The following ITPA variants were observed in gnomAD, a reference collection of about 807,000 sequenced individuals.
The protein encoded by ITPA is inosine triphosphate pyrophosphatase.
ITPA carries 29 observed loss-of-function variants against 29.6 expected under a neutral mutation model. That is an observed-to-expected ratio of 0.98 (90% CI 0.73 to 1.34). The LOEUF is 1.34. Ranked by LOEUF, ITPA falls within the 40% of genes most tolerant of loss-of-function variation. ITPA has a pLI of 0.00. For missense variants in ITPA, 241 were observed against 251.5 expected, an observed-to-expected ratio of 0.96 and a Z score of 0.28; for synonymous variants, 103 against 99.3, an observed-to-expected ratio of 1.04 and a Z score of -0.22.
At chr20:3,213,141 A>G in intron 1 of ITPA, 28 bp from the exon 2 acceptor site, 3 of 1,605,804 alleles carry the variant, frequency 1.9e-6, no homozygotes, top group Non-Finnish European at 2.6e-6. Flanking sequence ...CTAGATGGTG[A>G]TAAGTGTTCT....
At chr20:3,227,130 T>C (rs1600549200), downstream of ITPA, among the ~76,000 whole-genome samples, 6 of 152,340 alleles carry the variant, frequency 3.9e-5, no homozygotes, top group Middle Eastern at 0.017. Context: ...CCACTGCTCT[T>C]CACCAGCCAC....
chr20:3,216,593 A>G (rs1286380080), intron 5 of ITPA, among the ~76,000 whole-genome samples: 1 of 151,580 alleles, frequency 6.6e-6, no homozygotes, highest in Non-Finnish European at 1.5e-5. Flanking sequence ...AGCTGGGATT[A>G]CAGGCACCTG....
chr20:3,212,608 A>T (rs1259364736), intron 1 of ITPA, among the ~76,000 whole-genome samples: 1 of 152,182 alleles, frequency 6.6e-6, no homozygotes, highest in Non-Finnish European at 1.5e-5. Flanking sequence ...GGCGTGAGCC[A>T]CAGGACCCAG....
chr20:3,217,912 T>A (rs2067345944), intron 5 of ITPA, among the ~76,000 whole-genome samples: 1 of 139,284 alleles, frequency 7.2e-6, no homozygotes, highest in Non-Finnish European at 1.6e-5. Context: ...GTGGGTTTTT[T>A]TTTGTTTTTG....
rs934575079 is a variant in ITPA at position 3,214,618 on chromosome 20, C to T, written c.263+560C>T. Among the ~76,000 whole-genome samples the T allele has an allele frequency of 5.3e-5, 8 of 151,880 alleles. No homozygotes were observed. The East Asian group carries it at 1.2e-3, about 22-fold the overall frequency. On this transcript the variant is annotated intron_variant, in intron 4 of 7. Coordinates refer to ENST00000380113, the MANE Select transcript of ITPA (RefSeq NM_033453.4). Reference sequence around the variant, plus strand: ...TTTTGAGACAAGAGTCTCGCTCTGTCGCCCAGGCTGGAGTGCAGTGGCGCG... The same window carrying T: ...TTTTGAGACAAGAGTCTCGCTCTGTTGCCCAGGCTGGAGTGCAGTGGCGCG...
chr20:3,227,231 C>T (rs1247480200), downstream of ITPA, among the ~76,000 whole-genome samples: 2 of 152,316 alleles, frequency 1.3e-5, no homozygotes, highest in East Asian at 1.9e-4. Flanking sequence ...GGAGAAATGG[C>T]CATGCGAAGG....
At chr20:3,225,602 G>GC (rs927412096), downstream of ITPA, among the ~76,000 whole-genome samples, 2 of 152,212 alleles carry the variant, frequency 1.3e-5, no homozygotes, top group African/African-American at 4.8e-5. Context: ...CTCGCCCCGT[G>GC]CATCTCTTCA....
chr20:3,213,087 A>G (rs1344468349), intron 1 of ITPA, 82 bp from the exon 2 acceptor site: 2 of 1,382,978 alleles, frequency 1.4e-6, no homozygotes, highest in Admixed American at 3.3e-5. Flanking sequence ...AGAGTTATCG[A>G]TGAGAAAGGC....
downstream of ITPA, among the ~76,000 whole-genome samples, chr20:3,227,154 C>T (rs79728257): frequency 0.023 from 3,510 of 152,350 alleles, 128 homozygotes; most frequent in African/African-American, 0.08. Context: ...GCCTCAGTGG[C>T]CCCAAGCCCT....
At chr20:3,218,695 G>T (rs2067378683) in intron 6 of ITPA, 63 bp downstream of exon 6, 3 of 1,293,530 alleles carry the variant, frequency 2.3e-6, no homozygotes, top group Non-Finnish European at 3.3e-6. Flanking sequence ...GACCCGAGCC[G>T]ACCGCCCCGA....
upstream of ITPA, chr20:3,204,537 C>T: frequency 1.3e-6 from 2 of 1,559,554 alleles, no homozygotes; most frequent in Non-Finnish European, 1.7e-6. Flanking sequence ...CATCTCCTAC[C>T]TGATGCCGCC....
At chr20:3,213,081 T>C in intron 1 of ITPA, 88 bp from the exon 2 acceptor site, 1 of 1,335,354 alleles carries the variant, frequency 7.5e-7, no homozygotes, top group Non-Finnish European at 1.1e-6. Flanking sequence ...GGCAGCAGAG[T>C]TATCGATGAG....
intron 6 of ITPA, 57 bp downstream of exon 6, chr20:3,218,689 C>G: frequency 7.5e-7 from 1 of 1,333,552 alleles, no homozygotes. Flanking sequence ...TGCCGCGACC[C>G]GAGCCGACCG....
upstream of ITPA, chr20:3,209,238 T>C (rs1423583445): frequency 4.8e-6 from 2 of 413,808 alleles, no homozygotes; most frequent in Non-Finnish European, 8.6e-6. The surrounding 1 kb of genome is among the most constrained non-coding windows in gnomAD (Gnocchi z 4.6). Context: ...GAGACCCCAT[T>C]GCAGAGAAGA....
At chr20:3,209,227 G>C (rs2067114732), upstream of ITPA, 2 of 425,898 alleles carry the variant, frequency 4.7e-6, no homozygotes. The surrounding 1 kb of genome is among the most constrained non-coding windows in gnomAD (Gnocchi z 4.6). Context: ...TTCTCCTTTC[G>C]GAGACCCCAT....
At position 3,221,898 on chromosome 20, in the gene ITPA, C is replaced by G. The variant is rs144703520; in HGVS notation, c.469C>G (p.Pro157Ala). The G allele has an allele frequency of 3.7e-6, 6 of 1,613,892 alleles. No individual in the cohort carries two copies. The African/African-American group carries it at 8.0e-5, about 22-fold the overall frequency. The change falls in exon 7 of 8, where the codon CCT becomes GCT. Residue 157 changes from proline (P) to alanine (A), a missense_variant. Physicochemically the swap from Pro to Ala is conservative, Grantham distance 27. Coordinates refer to ENST00000380113, the MANE Select transcript of ITPA (RefSeq NM_033453.4). ...QDFGWDPCFQ[P>A]DGYEQTYAEM... ...CTTTGGCTGGGACCCCTGCTTTCAG[C>G]CTGATGGATATGAGCAGACGTAAGG...
intron 5 of ITPA, 51 bp downstream of exon 5, chr20:3,215,363 G>T: frequency 1.3e-6 from 2 of 1,577,638 alleles, no homozygotes; most frequent in South Asian, 1.1e-5. Flanking sequence ...GAGAATCTGG[G>T]CTTTGTCTAG....
chr20:3,215,401 G>A, intron 5 of ITPA, 89 bp downstream of exon 5: 1 of 1,239,196 alleles, frequency 8.1e-7, no homozygotes, highest in Non-Finnish European at 1.2e-6. Flanking sequence ...GTAATCAGGA[G>A]TCCCAGGTTC....
intron 5 of ITPA, among the ~76,000 whole-genome samples, chr20:3,216,444 T>TA (rs1341937010): frequency 6.9e-6 from 1 of 144,174 alleles, no homozygotes; most frequent in Non-Finnish European, 1.5e-5. Context: ...AGGTGTGAGT[T>TA]ACCATGCCTG....
Sources: gnomAD v4.1 joint callset for allele counts (sites outside exome capture counted in the v4.1 genomes callset) on GRCh38, gnomAD v4.1.1 for gene constraint, Gnocchi (gnomAD v3.1) non-coding constraint, MANE v1.5 for transcripts, NCBI Gene and HGNC (gene_info 2026-07-23, HGNC 2026-07-21) for gene names.